The following MUS81 variants were observed in gnomAD, a reference collection of about 807,000 sequenced individuals.
MUS81 encodes MUS81 structure-specific endonuclease subunit, also known as structure-specific endonuclease subunit MUS81.
A neutral mutation model predicts 74.2 loss-of-function variants in MUS81; 69 were observed. That is an observed-to-expected ratio of 0.93 (90% CI 0.77 to 1.14). MUS81 has a LOEUF of 1.14. MUS81 is among the 50% of genes most tolerant of loss of function. The pLI, the probability that MUS81 is intolerant of heterozygous loss-of-function variation, is 0.00. For missense variants in MUS81, 711 were observed against 726.5 expected, an observed-to-expected ratio of 0.98 and a Z score of 0.25; for synonymous variants, 303 against 300.6, an observed-to-expected ratio of 1.01 and a Z score of -0.08.
chr11:65,865,102 T>G lies in MUS81; in HGVS notation c.1358T>G (p.Leu453Arg). ...ACCTCTCCAAACCCTCTCTGCTCAC[T>G]CCTCACCTTCAGTGACTTCAACGCA... is the stretch of plus-strand genomic sequence containing the variant. Reference protein sequence around the residue: ...AMTSPNPLCSLLTFSDFNAGA... With the variant: ...AMTSPNPLCSRLTFSDFNAGA... The change falls in exon 13 of 16, where the codon CTC (leucine) becomes CGC (arginine). Residue 453 changes from leucine (L) to arginine (R), a missense_variant. Leu to Arg is a moderately radical substitution (Grantham distance 102, BLOSUM62 -2). Transcript: ENST00000308110. The G allele has an allele frequency of 1.2e-6, 2 of 1,614,172 alleles. No homozygotes were observed. Among genetic ancestry groups the G allele is most frequent in the Non-Finnish European group, 1.7e-6 (2 of 1,180,032 alleles).
At chr11:65,865,368 A>AT in intron 14 of MUS81, 45 bp downstream of exon 14, 1 of 1,561,090 alleles carries the variant, frequency 6.4e-7, no homozygotes. Context: ...CCTGCCCTCC[A>AT]TGCATGGAAT....
rs898061465 is a variant in MUS81, at chr11:65,864,184, G to C, written c.1059+283G>C. 5.1e-6 allele frequency: 3 copies of C among 586,458 alleles called. No individual in the cohort carries two copies. In the African/African-American group the frequency reaches 5.6e-5, roughly 11 times the overall value. 36.3% of individuals were successfully genotyped at this position (586,458 alleles called of 1,614,324 possible). ...GGATAAACAAGGCATAAACCTCCAG[G>C]AGTGGAAATACAGAGGCTGTACCTT... is the stretch of plus-strand genomic sequence containing the variant. On this transcript the variant is annotated intron_variant, in intron 10 of 15. Transcript: ENST00000308110.
rs147710844 is a variant in MUS81 at position 65,865,889 on chromosome 11, A to G, written c.1584A>G (p.Leu528=). 344 of 1,614,132 alleles carry G rather than the reference A, an allele frequency of 2.1e-4. 1 individual carries two copies. In the African/African-American group the frequency reaches 4.1e-3, roughly 19 times the overall value. The change falls in exon 15 of 16, where the codon CTA becomes CTG. Residue 528 remains leucine (L), a synonymous_variant. Transcript: ENST00000308110. ...TGAGCACCATTAAGTGTGGGCGTCT[A>G]CAGAGGTGAGGGCAAGAGACGGAAC... ...TLLSTIKCGR[L]QRNLGPALSR...
At chr11:65,865,711 A>C (rs1859802650) in intron 14 of MUS81, 100 bp from the exon 15 acceptor site, 7 of 1,226,738 alleles carry the variant, frequency 5.7e-6, no homozygotes, top group Non-Finnish European at 1.2e-6. Flanking sequence ...GCAGTGTCCC[A>C]ACTCTTCCAT....
Position 65,860,650 on chromosome 11 carries a change from C to A in MUS81, c.-104C>A, listed in dbSNP as rs1055268082. The A allele has an allele frequency of 6.0e-6, 9 of 1,493,908 alleles. No homozygotes were observed. In the African/African-American group the frequency reaches 1.2e-4, roughly 21 times the overall value. The allele number at this position is 1,493,908 out of a possible 1,614,324, so 92.5% of individuals were successfully genotyped here. On this transcript the variant is annotated 5_prime_UTR_variant, in exon 1 of 16. Transcript: ENST00000308110. ...CAACGGTCCTGCCCTCGGTCTCCCT[C>A]TTCCCCCGCCCCGCCCTGGGCCAGG...
At chr11:65,859,981 T>A (rs765199862), upstream of MUS81, 25 of 234,658 alleles carry the variant, frequency 1.1e-4, no homozygotes, top group Non-Finnish European at 1.9e-4. Flanking sequence ...AAGCACCTCT[T>A]ACTTACAGTC....
Position 65,863,158 on chromosome 11 carries a change from G to T in MUS81, c.699G>T (p.Glu233Asp), listed in dbSNP as rs1351880092. 1.2e-6 allele frequency: 2 copies of T among 1,614,032 alleles called. No homozygotes were observed. Among genetic ancestry groups the T allele is most frequent in the Middle Eastern group, 1.7e-4 (1 of 6,002 alleles). ...TGAATGTGGGCATCGGGCCCAAGGA[G>T]CCCCCTGGGGAGGAGACAGCAGTGC... is the stretch of plus-strand genomic sequence containing the variant. ...SLLNVGIGPK[E>D]PPGEETAVPG... Residue 233 changes from glutamate (E) to aspartate (D), a missense_variant, in exon 7 of 16, where the codon GAG (glutamate) becomes GAT (aspartate). Coordinates refer to ENST00000308110, the MANE Select transcript of MUS81 (RefSeq NM_025128.5).
chr11:65,863,957 C>A, intron 10 of MUS81, 56 bp downstream of exon 10: 5 of 1,567,886 alleles, frequency 3.2e-6, no homozygotes, highest in Non-Finnish European at 4.4e-6. Context: ...CCGTTTTCAG[C>A]CCAGAGCAAT....
intron 10 of MUS81, chr11:65,864,269 T>C (rs970123724): frequency 3.3e-6 from 2 of 597,336 alleles, no homozygotes; most frequent in South Asian, 1.9e-5. Context: ...CAGGGGAGGC[T>C]TGAAGGATGG....
intron 14 of MUS81, 153 bp from the exon 15 acceptor site, chr11:65,865,658 C>G: frequency 1.3e-6 from 1 of 796,880 alleles, no homozygotes; most frequent in Admixed American, 2.6e-5. Context: ...GGGAGGACAG[C>G]CCGGCTGGCA....
chr11:65,862,203 G>A lies in MUS81; in HGVS notation c.451-8G>A, dbSNP rs375354119. On this transcript the variant is annotated splice_polypyrimidine_tract_variant and splice_region_variant and intron_variant, in intron 4 of 15. Coordinates refer to ENST00000308110, the MANE Select transcript of MUS81 (RefSeq NM_025128.5). ...GAGCCTACCCTGTCTTTTCTACCTT[G>A]GTTTCAGAATCCTAATGGTCACCAC... 67 of 1,613,208 alleles carry A rather than the reference G, an allele frequency of 4.2e-5. No homozygotes were observed. The highest frequency in any genetic ancestry group is 5.3e-5 in the Non-Finnish European group (62 of 1,179,918).
At position 65,865,149 on chromosome 11, in the gene MUS81, CTGTCT is replaced by C; in HGVS notation, c.1401+5_1401+9del. ...CGCAGGAGCCATCAAGAATAAGGTA[CTGTCT>C]CTGCCTAGCTTCTCAGACATGGCCT... On this transcript the variant is annotated splice_donor_5th_base_variant and intron_variant, in intron 13 of 15. Coordinates refer to ENST00000308110, the MANE Select transcript of MUS81 (RefSeq NM_025128.5). The C allele has an allele frequency of 6.2e-7, 1 of 1,614,238 alleles. No individual in the cohort carries two copies. Among genetic ancestry groups the C allele is most frequent in the Non-Finnish European group, 8.5e-7 (1 of 1,180,046 alleles).
Position 65,862,213 on chromosome 11 carries a change from T to A in MUS81, c.453T>A (p.Asn151Lys). Residue 151 changes from asparagine (N) to lysine (K), a missense_variant and splice_region_variant, in exon 5 of 16, where the codon AAT (asparagine) becomes AAA (lysine). Physicochemically the swap from Asn to Lys is moderately conservative, Grantham distance 94. Coordinates refer to ENST00000308110, the MANE Select transcript of MUS81 (RefSeq NM_025128.5). ...ILLVLYREHL[N>K]PNGHHFLTKE... Reference sequence around the variant, plus strand: ...TGTCTTTTCTACCTTGGTTTCAGAATCCTAATGGTCACCACTTCTTAACCA... The same window carrying A: ...TGTCTTTTCTACCTTGGTTTCAGAAACCTAATGGTCACCACTTCTTAACCA... The A allele has an allele frequency of 6.2e-7, 1 of 1,613,540 alleles. No homozygotes were observed. Among genetic ancestry groups the A allele is most frequent in the Admixed American group, 1.7e-5 (1 of 60,024 alleles).
In MUS81 at chr11:65,865,118, C is replaced by T. The variant is rs1859774027; in HGVS notation, c.1374C>T (p.Asp458=). 6.2e-7 allele frequency: 1 copy of T among 1,614,112 alleles called. No homozygotes were observed. The highest frequency in any genetic ancestry group is 8.5e-7 in the Non-Finnish European group (1 of 1,180,046). Residue 458 remains aspartate, a synonymous_variant, in exon 13 of 16, where the codon GAC becomes GAT. Coordinates refer to ENST00000308110, the MANE Select transcript of MUS81 (RefSeq NM_025128.5). ...NPLCSLLTFS[D]FNAGAIKNKA... ...TCTGCTCACTCCTCACCTTCAGTGA[C>T]TTCAACGCAGGAGCCATCAAGAATA...
chr11:65,865,724 C>A (rs1189045282), intron 14 of MUS81, 87 bp from the exon 15 acceptor site: 6 of 1,342,108 alleles, frequency 4.5e-6, no homozygotes, highest in Non-Finnish European at 6.3e-6. Flanking sequence ...TCTTCCATCC[C>A]ATGCTGACCC....
Position 65,865,206 on chromosome 11 carries a change from T to A in MUS81, c.1402-14T>A, listed in dbSNP as rs190632825. On this transcript the variant is annotated splice_polypyrimidine_tract_variant and intron_variant, in intron 13 of 15. Coordinates refer to ENST00000308110, the MANE Select transcript of MUS81 (RefSeq NM_025128.5). ...GCCCAGACCCCCACTGATCCAGCCCTTTCCCGAACCCAGGCCCAGTCGGTG... is the reference window on the plus strand; with the variant it reads ...GCCCAGACCCCCACTGATCCAGCCCATTCCCGAACCCAGGCCCAGTCGGTG... 1.9e-5 allele frequency: 30 copies of A among 1,614,106 alleles called. No individual in the cohort carries two copies. The East Asian group carries it at 6.0e-4, about 32-fold the overall frequency.
At chr11:65,864,127 A>G in intron 10 of MUS81, 1 of 604,332 alleles carries the variant, frequency 1.7e-6, no homozygotes, top group Non-Finnish European at 2.9e-6. Context: ...AGCATTTTAA[A>G]GACCTCTTGG....
Position 65,865,220 on chromosome 11 carries a change from G to C in MUS81, c.1402G>C (p.Ala468Pro). 6.2e-7 allele frequency: 1 copy of C among 1,614,148 alleles called. No homozygotes were observed. The highest frequency in any genetic ancestry group is 8.5e-7 in the Non-Finnish European group (1 of 1,180,012). Reference sequence around the variant, plus strand: ...TGATCCAGCCCTTTCCCGAACCCAGGCCCAGTCGGTGCGAGAAGTGTTTGC... The same window carrying C: ...TGATCCAGCCCTTTCCCGAACCCAGCCCCAGTCGGTGCGAGAAGTGTTTGC... ...DFNAGAIKNK[A>P]QSVREVFARQ... The change falls in exon 14 of 16, where the codon GCC becomes CCC. Residue 468 changes from alanine to proline, a missense_variant and splice_region_variant. By Grantham distance (27) the Ala-to-Pro change is conservative. Transcript: ENST00000308110.
At chr11:65,866,574 A>G (rs1441773064), downstream of MUS81, 1 of 702,830 alleles carries the variant, frequency 1.4e-6, no homozygotes, top group East Asian at 2.7e-5. Context: ...GGAGTTTCTT[A>G]GGACCCCTGC....
Sources: allele counts gnomAD v4.1 joint callset, GRCh38; gene constraint gnomAD v4.1.1; transcripts MANE v1.5; gene names NCBI Gene and HGNC (gene_info 2026-07-23, HGNC 2026-07-21).